Variants in CACNA1C observed in about 807,000 individuals in gnomAD.
The protein encoded by CACNA1C is voltage-dependent L-type calcium channel subunit alpha-1C.
CACNA1C carries 30 observed loss-of-function variants against 229.0 expected under a neutral mutation model. That is an observed-to-expected ratio of 0.13 (90% confidence interval 0.10 to 0.18). The LOEUF is 0.18. Ranked by LOEUF, CACNA1C falls within the 10% of genes least tolerant of loss-of-function variation. CACNA1C has a pLI of 1.00. For synonymous variants in CACNA1C, 1,114 were observed against 1,132.5 expected, an observed-to-expected ratio of 0.98 and a Z score of 0.33; for missense variants, 1,658 against 2,845.0, an observed-to-expected ratio of 0.58 and a Z score of 9.49.
chr12:2,148,718 T>C (rs1458856400), intron 3 of CACNA1C, among the ~76,000 whole-genome samples: 1 of 150,870 alleles, frequency 6.6e-6, no homozygotes, highest in Non-Finnish European at 1.5e-5. Flanking sequence ...CCGGCGAGTT[T>C]TTGTAATTTT....
chr12:2,358,786 C>T (rs1402664075), intron 3 of CACNA1C, among the ~76,000 whole-genome samples: 1 of 152,170 alleles, frequency 6.6e-6, no homozygotes, highest in Non-Finnish European at 1.5e-5. Flanking sequence ...TGCCCACTTT[C>T]CCAAGTTTCC....
chr12:2,120,411 A>G lies in CACNA1C; in HGVS notation c.458A>G (p.Asn153Ser), dbSNP rs761958170. 4.4e-6 allele frequency: 7 copies of G among 1,606,886 alleles called. No homozygotes were observed. The highest frequency in any genetic ancestry group is 2.2e-5 in the East Asian group (1 of 44,854). The change falls in exon 3 of 47, where the codon AAC (asparagine) becomes AGC (serine). Residue 153 changes from asparagine (N) to serine (S), a missense_variant. Asn to Ser is a conservative substitution (Grantham distance 46). Around this residue, in one of 20 missense-constraint regions of CACNA1C, gnomAD observed 89 missense variants for 177.8 expected, o/e 0.50. Transcript: ENST00000399655. ...IYIPFPEDDS[N>S]ATNSNLERVE... The stretch of plus-strand genomic sequence containing the variant: ...ATTCCCTTTCCAGAAGATGATTCCA[A>G]CGCCACCAATTCCAACCTGGTAAGT...
intron 20 of CACNA1C, among the ~76,000 whole-genome samples, chr12:2,596,413 G>C (rs531852585): frequency 6.6e-6 from 1 of 152,274 alleles, no homozygotes; most frequent in South Asian, 2.1e-4. Context: ...GAGAGTCTTG[G>C]TACCTTTGGT....
At chr12:2,194,503 G>A (rs952073813) in intron 3 of CACNA1C, among the ~76,000 whole-genome samples, 6 of 151,542 alleles carry the variant, frequency 4.0e-5, no homozygotes, top group South Asian at 2.1e-4. Context: ...TTCTGTTCAT[G>A]TACTGTTCTT....
chr12:2,394,831 T>A (rs922565538), intron 3 of CACNA1C, among the ~76,000 whole-genome samples: 17 of 152,106 alleles, frequency 1.1e-4, no homozygotes, highest in African/African-American at 4.1e-4. Flanking sequence ...GAAATTGGAG[T>A]GGTTTGGTTT....
chr12:2,210,704 T>C (rs1337487835), intron 3 of CACNA1C, among the ~76,000 whole-genome samples: 1 of 152,236 alleles, frequency 6.6e-6, no homozygotes, highest in Non-Finnish European at 1.5e-5. Flanking sequence ...AAACATTTCA[T>C]TGATCAAAGT....
At chr12:2,395,115 G>A (rs956710164) in intron 3 of CACNA1C, among the ~76,000 whole-genome samples, 13 of 151,892 alleles carry the variant, frequency 8.6e-5, no homozygotes, top group Non-Finnish European at 1.5e-5. Flanking sequence ...GACCTCCCAG[G>A]CTCAAATGAT....
chr12:2,677,239 G>A lies in CACNA1C; in HGVS notation c.4956+18G>A, dbSNP rs769537266. ...CTCTGCAGGTGAGGGCCTGGGGGCG[G>A]GCCCACACTCCAGGAAGGTCCTGGT... is the stretch of plus-strand genomic sequence containing the variant. On this transcript the variant is annotated intron_variant, in intron 40 of 46. Transcript: ENST00000399655. This position sits in a 1 kb window ranked among gnomAD's most constrained non-coding sequence, Gnocchi z 7.4. 9 of 1,612,398 alleles carry A rather than the reference G, an allele frequency of 5.6e-6. No individual in the cohort carries two copies. The highest frequency in any genetic ancestry group is 7.6e-6 in the Non-Finnish European group (9 of 1,179,262).
intron 42 of CACNA1C, chr12:2,680,359 C>T (rs1603451206): frequency 1.3e-6 from 2 of 1,544,400 alleles, no homozygotes; most frequent in South Asian, 1.2e-5. Context: ...TCCCTGTGCT[C>T]TAGGATGCAC....
chr12:2,359,241 G>A (rs1176855424), intron 3 of CACNA1C, among the ~76,000 whole-genome samples: 1 of 152,128 alleles, frequency 6.6e-6, no homozygotes, highest in Admixed American at 6.5e-5. Flanking sequence ...GGTCCTTCGG[G>A]TAGTCTCAGC....
chr12:2,052,567 G>C (rs770306599), upstream of CACNA1C, among the ~76,000 whole-genome samples: 406 of 147,638 alleles, frequency 2.7e-3, 3 homozygotes, highest in Non-Finnish European at 4.2e-3. Context: ...AGGCCGGCGC[G>C]GGGGGCGCGA....
intron 3 of CACNA1C, among the ~76,000 whole-genome samples, chr12:2,153,404 C>T (rs1456104086): frequency 1.3e-5 from 2 of 152,152 alleles, no homozygotes; most frequent in Non-Finnish European, 2.9e-5. Context: ...ACCATCACAA[C>T]CATCCATCTC....
chr12:2,073,207 G>A (rs2061992017), intron 1 of CACNA1C, among the ~76,000 whole-genome samples: 1 of 152,186 alleles, frequency 6.6e-6, no homozygotes, highest in Non-Finnish European at 1.5e-5. Context: ...AAAAAACGTG[G>A]TCCAACAGAT....
chr12:2,267,249 A>G (rs1374539106), intron 3 of CACNA1C, among the ~76,000 whole-genome samples: 1 of 152,154 alleles, frequency 6.6e-6, no homozygotes, highest in Non-Finnish European at 1.5e-5. Context: ...TACCCTTCTT[A>G]TTATTCAGTT....
chr12:2,004,508 C>A, intron 1 of CACNA1C: 1 of 1,517,630 alleles, frequency 6.6e-7, no homozygotes, highest in Non-Finnish European at 8.8e-7. Flanking sequence ...CGAGCTGCCT[C>A]GCAACCGAGA....
chr12:2,317,108 T>C (rs1018335275), intron 3 of CACNA1C, among the ~76,000 whole-genome samples: 1 of 152,208 alleles, frequency 6.6e-6, no homozygotes, highest in Non-Finnish European at 1.5e-5. Flanking sequence ...TGGTGTTTCC[T>C]TAAAAAATTA....
At chr12:2,297,276 A>G (rs2094133364) in intron 3 of CACNA1C, among the ~76,000 whole-genome samples, 3 of 152,212 alleles carry the variant, frequency 2.0e-5, no homozygotes, top group African/African-American at 7.2e-5. Context: ...AGCATTCACC[A>G]GAGGCATTTA....
rs1315220828 is a variant in CACNA1C, at chr12:2,152,513, C to T, written c.477+32083C>T. ...AAAAGACCCTTTCCAGGTGCTGGAGCAACCATTCAGAAGGCGGTGATGGCT... is the reference window on the plus strand; with the variant it reads ...AAAAGACCCTTTCCAGGTGCTGGAGTAACCATTCAGAAGGCGGTGATGGCT... On this transcript the variant is annotated intron_variant, in intron 3 of 46. Transcript: ENST00000399655. The surrounding 1 kb of genome is among the most constrained non-coding windows in gnomAD (Gnocchi z 4.2). Among the ~76,000 whole-genome samples, 1 of 152,162 alleles carries T rather than the reference C, an allele frequency of 6.6e-6. No individual in the cohort carries two copies. The highest frequency in any genetic ancestry group is 1.5e-5 in the Non-Finnish European group (1 of 68,040).
rs2097685382 is a variant in CACNA1C, at chr12:2,689,201, A to G, written c.6117+422A>G. The stretch of plus-strand genomic sequence containing the variant: ...AAGCTCTTCGATGATTTTAACGTGT[A>G]GCAAGGTTGAGAGCCACTAGCCTAG... On this transcript the variant is annotated intron_variant, in intron 46 of 46. Transcript: ENST00000399655. This position sits in a 1 kb window ranked among gnomAD's most constrained non-coding sequence, Gnocchi z 4.2. Among the ~76,000 whole-genome samples, 1 of 152,162 alleles carries G rather than the reference A, an allele frequency of 6.6e-6. No individual in the cohort carries two copies. Among genetic ancestry groups the G allele is most frequent in the South Asian group, 2.1e-4 (1 of 4,826 alleles).
Sources: gnomAD v4.1 joint callset for allele counts (sites outside exome capture counted in the v4.1 genomes callset) on GRCh38, gnomAD v4.1.1 for gene constraint, gnomAD v4.1.1 regional missense constraint, Gnocchi (gnomAD v3.1) non-coding constraint, MANE v1.5 for transcripts, NCBI Gene and HGNC (gene_info 2026-07-23, HGNC 2026-07-21) for gene names.